IQCM: variants seen among roughly 807,000 people sequenced by gnomAD.
IQCM encodes IQ domain-containing protein M.
IQCM carries 45 observed loss-of-function variants against 57.6 expected under a neutral mutation model. The observed-to-expected ratio is 0.78, with a 90% CI of 0.62 to 1.00. IQCM has a LOEUF of 1.00. IQCM is among the 50% of genes least tolerant of loss of function. The probability of loss-of-function intolerance (pLI) is 0.00; values close to 1 mark genes in which losing one functional copy is unlikely to be tolerated. For missense variants in IQCM, 468 were observed against 511.6 expected, an observed-to-expected ratio of 0.91 and a Z score of 0.82; for synonymous variants, 148 against 158.9, an observed-to-expected ratio of 0.93 and a Z score of 0.51.
intron 13 of IQCM, among the ~76,000 whole-genome samples, chr4:149,412,856 G>C (rs1017421561): frequency 1.3e-5 from 2 of 152,166 alleles, no homozygotes; most frequent in African/African-American, 2.4e-5. Context: ...TTCTGTAAGA[G>C]GGAACATGTG....
intron 13 of IQCM, among the ~76,000 whole-genome samples, chr4:149,377,528 T>C (rs186444890): frequency 4.6e-5 from 7 of 152,314 alleles, no homozygotes; most frequent in Admixed American, 4.6e-4. Context: ...AACTGTCTTC[T>C]TTTTTCACTC....
chr4:149,361,729 C>T (rs942354487), intron 13 of IQCM, among the ~76,000 whole-genome samples: 1 of 152,192 alleles, frequency 6.6e-6, no homozygotes, highest in African/African-American at 2.4e-5. Flanking sequence ...CAAAAGTTTG[C>T]TGCAGGGGTG....
chr4:149,452,918 T>C (rs1014479160), intron 12 of IQCM, among the ~76,000 whole-genome samples: 1 of 150,534 alleles, frequency 6.6e-6, no homozygotes, highest in East Asian at 2.0e-4. Flanking sequence ...TTTAAACAAA[T>C]AGGATATATT....
chr4:149,694,615 C>A (rs1763201301), intron 5 of IQCM, among the ~76,000 whole-genome samples: 1 of 152,046 alleles, frequency 6.6e-6, no homozygotes, highest in Non-Finnish European at 1.5e-5. Context: ...AATAGTTAAA[C>A]TGAACCAATG....
intron 5 of IQCM, among the ~76,000 whole-genome samples, chr4:149,712,809 A>G (rs1189316018): frequency 3.9e-5 from 6 of 152,186 alleles, no homozygotes; most frequent in Non-Finnish European, 8.8e-5. Flanking sequence ...TTTCCAAGAA[A>G]TCCATGTCCC....
chr4:149,555,234 A>T (rs1170172893), intron 10 of IQCM, among the ~76,000 whole-genome samples: 6 of 151,812 alleles, frequency 4.0e-5, no homozygotes, highest in Non-Finnish European at 2.9e-5. Context: ...TTTGTCTTTT[A>T]AAAAAAATAA....
intron 9 of IQCM, among the ~76,000 whole-genome samples, chr4:149,568,079 C>T (rs1053551946): frequency 1.3e-5 from 2 of 152,154 alleles, no homozygotes; most frequent in Non-Finnish European, 2.9e-5. Context: ...TAAAAGACCT[C>T]ATGCCACTGC....
chr4:149,623,610 G>A (rs1426548633), intron 7 of IQCM, among the ~76,000 whole-genome samples: 1 of 152,158 alleles, frequency 6.6e-6, no homozygotes, highest in Non-Finnish European at 1.5e-5. Context: ...TAAGCTAATA[G>A]TTTGATGAAG....
At chr4:149,539,226 G>C (rs773810458) in intron 12 of IQCM, among the ~76,000 whole-genome samples, 2 of 152,026 alleles carry the variant, frequency 1.3e-5, no homozygotes, top group Non-Finnish European at 2.9e-5. Flanking sequence ...TCAGCAATAA[G>C]AAAGAATATA....
intron 12 of IQCM, among the ~76,000 whole-genome samples, chr4:149,547,072 T>C (rs1464281551): frequency 2.0e-5 from 3 of 152,216 alleles, no homozygotes; most frequent in Non-Finnish European, 2.9e-5. Flanking sequence ...ATTTATTAAA[T>C]AGGGAATCCT....
At chr4:149,653,972 T>C (rs1048495798) in intron 7 of IQCM, among the ~76,000 whole-genome samples, 4 of 152,118 alleles carry the variant, frequency 2.6e-5, no homozygotes, top group African/African-American at 9.7e-5. Flanking sequence ...TCATCTAATA[T>C]ATAACTTAAT....
intron 12 of IQCM, among the ~76,000 whole-genome samples, chr4:149,470,517 A>G (rs543359071): frequency 6.6e-6 from 1 of 152,268 alleles, no homozygotes; most frequent in East Asian, 1.9e-4. Context: ...CCCACACAAT[A>G]ATAATGGGAG....
intron 13 of IQCM, among the ~76,000 whole-genome samples, chr4:149,360,530 C>T (rs1729404804): frequency 6.6e-6 from 1 of 152,034 alleles, no homozygotes. Context: ...ATTGTAGTTC[C>T]CAGAATTCCC....
chr4:149,697,840 T>A (rs1211677048), intron 5 of IQCM, among the ~76,000 whole-genome samples: 2 of 152,150 alleles, frequency 1.3e-5, no homozygotes, highest in Non-Finnish European at 2.9e-5. Context: ...GCCTGGCATA[T>A]AATAGATGTT....
intron 12 of IQCM, among the ~76,000 whole-genome samples, chr4:149,466,773 C>A (rs1006492389): frequency 2.0e-5 from 3 of 152,122 alleles, no homozygotes; most frequent in African/African-American, 7.2e-5. Flanking sequence ...TTAAAAACAA[C>A]AAAATTTACT....
chr4:149,484,759 T>A (rs781526226), intron 12 of IQCM, among the ~76,000 whole-genome samples: 1 of 152,078 alleles, frequency 6.6e-6, no homozygotes, highest in Admixed American at 6.6e-5. Flanking sequence ...TGGTGTGTTA[T>A]ACTATTCTGT....
chr4:149,430,086 T>G, intron 13 of IQCM: 1 of 1,013,490 alleles, frequency 9.9e-7, no homozygotes, highest in Non-Finnish European at 1.3e-6. Context: ...AACCCAAAAC[T>G]TTCAACTTAA....
At chr4:149,774,447 C>T (rs770731015) in intron 2 of IQCM, among the ~76,000 whole-genome samples, 45 of 152,128 alleles carry the variant, frequency 3.0e-4, no homozygotes, top group South Asian at 6.2e-4. Context: ...ATGTTCCTCG[C>T]GACATGGCTG....
chr4:149,778,761 C>T (rs1212847551), intron 2 of IQCM, among the ~76,000 whole-genome samples: 2 of 152,024 alleles, frequency 1.3e-5, no homozygotes, highest in Non-Finnish European at 2.9e-5. Flanking sequence ...AGACAAATTC[C>T]TCAAAAAGTA....
Sources: gnomAD v4.1 joint callset for allele counts (sites outside exome capture counted in the v4.1 genomes callset) on GRCh38, gnomAD v4.1.1 for gene constraint, MANE v1.5 for transcripts, NCBI Gene and HGNC (gene_info 2026-07-23, HGNC 2026-07-21) for gene names.